Variants in PPP2R2C observed in about 807,000 individuals in gnomAD.
PPP2R2C encodes protein phosphatase 2, regulatory subunit B, gamma.
PPP2R2C carries 10 observed loss-of-function variants against 45.3 expected under a neutral mutation model. The ratio of observed to expected loss-of-function variants is 0.22; its 90% confidence interval spans 0.14 to 0.37. The LOEUF (loss-of-function observed/expected upper bound fraction) is 0.37, where lower values mean the gene tolerates loss of function less well. Among genes scored for constraint, PPP2R2C ranks in the 10% least tolerant of loss-of-function variants. PPP2R2C has a pLI of 1.00. For synonymous variants in PPP2R2C, 257 were observed against 245.4 expected, an observed-to-expected ratio of 1.05 and a Z score of -0.44; for missense variants, 308 against 619.7, an observed-to-expected ratio of 0.50 and a Z score of 5.34.
At chr4:6,377,352 G>A (rs926550479) in intron 3 of PPP2R2C, among the ~76,000 whole-genome samples, 13 of 152,124 alleles carry the variant, frequency 8.5e-5, no homozygotes, top group African/African-American at 2.9e-4. Context: ...GGCAGGGCAG[G>A]GACAGAATCC....
rs538874020 is a variant in PPP2R2C, at chr4:6,378,577, A to G, written c.169-5T>C. On this transcript the variant is annotated splice_region_variant and splice_polypyrimidine_tract_variant and intron_variant, in intron 2 of 8. Coordinates refer to ENST00000382599, the MANE Select transcript of PPP2R2C (RefSeq NM_020416.4). The surrounding 1 kb of genome is among the most constrained non-coding windows in gnomAD (Gnocchi z 5.2). ...GCTGTGGGGCGCATTTTTACTCTGC[A>G]GGGAAACCCGGAGAAGGGGCCTGAG... 6.8e-6 allele frequency: 11 copies of G among 1,611,448 alleles called. No individual in the cohort carries two copies. In the South Asian group the frequency reaches 1.1e-4, roughly 16 times the overall value.
chr4:6,383,318 C>A, intron 1 of PPP2R2C: 1 of 1,283,092 alleles, frequency 7.8e-7, no homozygotes, highest in Non-Finnish European at 1.0e-6. Flanking sequence ...AAGCCCAGAC[C>A]ACAGAATCGC....
chr4:6,521,295 C>G (rs1048301756), intron 2 of PPP2R2C, among the ~76,000 whole-genome samples: 3 of 152,226 alleles, frequency 2.0e-5, no homozygotes, highest in Non-Finnish European at 2.9e-5. Context: ...TTGTGTTCAG[C>G]TGGTCGTAAA....
chr4:6,526,581 G>C (rs1724216631), intron 2 of PPP2R2C, among the ~76,000 whole-genome samples: 1 of 152,232 alleles, frequency 6.6e-6, no homozygotes, highest in Non-Finnish European at 1.5e-5. Flanking sequence ...AACGCTCCAT[G>C]TTGAGGGCAC....
intron 1 of PPP2R2C, among the ~76,000 whole-genome samples, chr4:6,410,206 T>C (rs933015922): frequency 2.6e-5 from 4 of 152,202 alleles, no homozygotes; most frequent in African/African-American, 9.6e-5. Context: ...GAGCTGTGAT[T>C]ATACCAGGCT....
intron 1 of PPP2R2C, among the ~76,000 whole-genome samples, chr4:6,469,379 G>T (rs1372033698): frequency 6.6e-6 from 1 of 152,222 alleles, no homozygotes; most frequent in Non-Finnish European, 1.5e-5. Flanking sequence ...AGAGCAGCTG[G>T]GGTGTGGTGG....
rs940669566 is a variant in PPP2R2C at position 6,471,499 on chromosome 4, C to G, written c.70+661G>C. 6 of 152,338 alleles carry G rather than the reference C, an allele frequency of 3.9e-5. No homozygotes were observed. Among genetic ancestry groups the G allele is most frequent in the African/African-American group, 1.4e-4 (6 of 41,588 alleles). The allele number at this position is 152,338 out of a possible 1,614,324, so 9.4% of individuals were successfully genotyped here. On this transcript the variant is annotated intron_variant, in intron 1 of 8. Transcript: ENST00000382599. This position sits in a 1 kb window ranked among gnomAD's most constrained non-coding sequence, Gnocchi z 5.6. ...TTTAAACAGGGCCTGTTTGGGATGG[C>G]ATGTCCCACTTTTTTGGAAAATCCC... is the stretch of plus-strand genomic sequence containing the variant.
At chr4:6,511,546 ATGG>A (rs1560593922) in intron 2 of PPP2R2C, among the ~76,000 whole-genome samples, 6 of 4,372 alleles carry the variant, frequency 1.4e-3, no homozygotes, top group South Asian at 0.024. Flanking sequence ...GGTGGTGGTG[ATGG>A]TGGTGGTGGT....
rs1454322685 is a variant in PPP2R2C, at chr4:6,320,597, T to G, written c.*2705A>C. On this transcript the variant is annotated 3_prime_UTR_variant, in exon 9 of 9. Transcript: ENST00000382599. ...TGGACCTCGTTTTTGATGTAACATT[T>G]GTTATTTTATTGGAAAAAGCTGGTA... 6.6e-6 allele frequency: 1 copy of G among 152,628 alleles called. No homozygotes were observed. The highest frequency in any genetic ancestry group is 1.5e-5 in the Non-Finnish European group (1 of 68,054). The allele number at this position is 152,628 out of a possible 1,614,324, so 9.5% of individuals were successfully genotyped here. A position where few individuals can be genotyped will look rare whatever the true frequency, so the allele number is the denominator to read the frequency against.
intron 2 of PPP2R2C, among the ~76,000 whole-genome samples, chr4:6,522,630 T>C (rs905644367): frequency 7.9e-5 from 12 of 152,274 alleles, no homozygotes; most frequent in Admixed American, 5.2e-4. Context: ...TGCTCAAATG[T>C]GGGCCCAGGG....
Position 6,410,925 on chromosome 4 carries a change from G to C in PPP2R2C, c.71-29831C>G, listed in dbSNP as rs568386317. ...ACTCTGTCACCCAGGATGAAGTGCGGTGGTGCGATCTCTGCTCACTGCAGC... is the reference window on the plus strand; with the variant it reads ...ACTCTGTCACCCAGGATGAAGTGCGCTGGTGCGATCTCTGCTCACTGCAGC... On this transcript the variant is annotated intron_variant, in intron 1 of 8. Coordinates refer to ENST00000382599, the MANE Select transcript of PPP2R2C (RefSeq NM_020416.4). 2.5e-4 allele frequency among the ~76,000 whole-genome samples: 38 copies of C among 151,704 alleles called. No homozygotes were observed. In the Middle Eastern group the frequency reaches 0.021, roughly 82 times the overall value.
chr4:6,459,265 A>G (rs1721198535), intron 1 of PPP2R2C, among the ~76,000 whole-genome samples: 1 of 152,166 alleles, frequency 6.6e-6, no homozygotes, highest in Non-Finnish European at 1.5e-5. Flanking sequence ...CAGCTCAACC[A>G]GGACCTTGGT....
intron 5 of PPP2R2C, among the ~76,000 whole-genome samples, chr4:6,356,546 C>A (rs1454945281): frequency 1.3e-5 from 2 of 152,232 alleles, no homozygotes; most frequent in African/African-American, 4.8e-5. Flanking sequence ...TGTCTTTGGG[C>A]AAGTTTCTGA....
At chr4:6,402,849 G>C (rs1301305149) in intron 1 of PPP2R2C, among the ~76,000 whole-genome samples, 1 of 152,246 alleles carries the variant, frequency 6.6e-6, no homozygotes, top group Non-Finnish European at 1.5e-5. Context: ...TGGAGCACCT[G>C]TCCCATGGAG....
chr4:6,375,147 G>C (rs1420347606), intron 4 of PPP2R2C, among the ~76,000 whole-genome samples: 1 of 152,174 alleles, frequency 6.6e-6, no homozygotes, highest in East Asian at 1.9e-4. Flanking sequence ...GGGGGCACCA[G>C]CACCCTCATT....
chr4:6,520,801 A>G (rs951359001), intron 2 of PPP2R2C, among the ~76,000 whole-genome samples: 2 of 152,224 alleles, frequency 1.3e-5, no homozygotes, highest in African/African-American at 4.8e-5. Context: ...TCTTCCCTGC[A>G]TCGGGTCACA....
At chr4:6,456,942 T>G (rs1721073379) in intron 1 of PPP2R2C, among the ~76,000 whole-genome samples, 1 of 152,104 alleles carries the variant, frequency 6.6e-6, no homozygotes, top group South Asian at 2.1e-4. Flanking sequence ...GTGCGGTGGC[T>G]TGCGCCTATA....
chr4:6,378,586 C>G lies in PPP2R2C; in HGVS notation c.169-14G>C, dbSNP rs771617151. Reference sequence around the variant, plus strand: ...CGCATTTTTACTCTGCAGGGAAACCCGGAGAAGGGGCCTGAGCACCGTGAC... The same window carrying G: ...CGCATTTTTACTCTGCAGGGAAACCGGGAGAAGGGGCCTGAGCACCGTGAC... On this transcript the variant is annotated splice_polypyrimidine_tract_variant and intron_variant, in intron 2 of 8. Transcript: ENST00000382599. The surrounding 1 kb of genome is among the most constrained non-coding windows in gnomAD (Gnocchi z 5.2). 1.3e-5 allele frequency: 21 copies of G among 1,608,702 alleles called. No homozygotes were observed. The highest frequency in any genetic ancestry group is 1.3e-5 in the African/African-American group (1 of 74,802).
chr4:6,545,303 A>G (rs1173330100), intron 1 of PPP2R2C, among the ~76,000 whole-genome samples: 1 of 152,250 alleles, frequency 6.6e-6, no homozygotes, highest in Non-Finnish European at 1.5e-5. Flanking sequence ...TTATCATAGT[A>G]GCAGTGGAGC....
Sources: allele counts gnomAD v4.1 joint callset (sites outside exome capture counted in the v4.1 genomes callset), GRCh38; gene constraint gnomAD v4.1.1; non-coding constraint Gnocchi (gnomAD v3.1); transcripts MANE v1.5; gene names NCBI Gene and HGNC (gene_info 2026-07-23, HGNC 2026-07-21).